MKS1: variants seen among roughly 807,000 people sequenced by gnomAD.
MKS1 encodes the protein MKS transition zone complex subunit 1.
MKS1 carries 70 observed loss-of-function variants against 83.7 expected under a neutral mutation model. That is an observed-to-expected ratio of 0.84 (90% CI 0.69 to 1.02). MKS1 has a LOEUF of 1.02. Among genes scored for constraint, MKS1 ranks in the 50% least tolerant of loss-of-function variants. MKS1 has a pLI of 0.00. For missense variants in MKS1, 681 were observed against 726.9 expected, an observed-to-expected ratio of 0.94 and a Z score of 0.73; for synonymous variants, 251 against 273.4, an observed-to-expected ratio of 0.92 and a Z score of 0.81.
At position 58,210,983 on chromosome 17, in the gene MKS1, C is replaced by A. The variant is rs1393510784; in HGVS notation, c.955G>T (p.Val319Phe). The A allele has an allele frequency of 6.2e-7, 1 of 1,613,990 alleles. No individual in the cohort carries two copies. Among genetic ancestry groups the A allele is most frequent in the Admixed American group, 1.7e-5 (1 of 60,028 alleles). The change falls in exon 10 of 18, where the codon GTC becomes TTC. Residue 319 changes from valine to phenylalanine, a missense_variant. This residue lies in a region of MKS1 where 310 missense variants were observed against 321.7 expected (regional missense o/e 0.96). Coordinates refer to ENST00000393119, the MANE Select transcript of MKS1 (RefSeq NM_017777.4). The stretch of plus-strand genomic sequence containing the variant: ...TCTATGCTAGCAAGACACTTACCGA[C>A]CTCTCCATTTACAAAGAGCCGGAGG... Reference protein sequence around the residue: ...GALRLFVNGEVVSAQGYEYDN... With the variant: ...GALRLFVNGEFVSAQGYEYDN...
intron 12 of MKS1, 77 bp from the exon 13 acceptor site, chr17:58,208,251 C>T (rs779329115): frequency 3.9e-5 from 54 of 1,371,728 alleles, no homozygotes; most frequent in Non-Finnish European, 4.0e-5. Context: ...ACAAGGTTAT[C>T]TTCACAAGGG....
At chr17:58,208,845 A>G (rs1968695945) in intron 11 of MKS1, among the ~76,000 whole-genome samples, 1 of 151,908 alleles carries the variant, frequency 6.6e-6, no homozygotes, top group Admixed American at 6.6e-5. Context: ...TGGGTACTTG[A>G]GATTAGGGAG....
chr17:58,213,797 C>T lies in MKS1; in HGVS notation c.717G>A (p.Lys239=). The T allele has an allele frequency of 6.2e-7, 1 of 1,614,114 alleles. No individual in the cohort carries two copies. The highest frequency in any genetic ancestry group is 8.5e-7 in the Non-Finnish European group (1 of 1,179,966). The part of the protein sequence containing the change: ...KVDSNGVITV[K]PDFTGLKGPY... ...GTCCTTTGAGGCCCGTGAAGTCAGG[C>T]TTTACTGTGATCACACCATTGCTAT... is the stretch of plus-strand genomic sequence containing the variant. Residue 239 remains lysine (K), a synonymous_variant, in exon 7 of 18, where the codon AAG becomes AAA. Transcript: ENST00000393119.
chr17:58,206,640 T>C, intron 15 of MKS1, 93 bp from the exon 16 acceptor site: 1 of 1,266,238 alleles, frequency 7.9e-7, no homozygotes, highest in Non-Finnish European at 1.1e-6. Flanking sequence ...TTCCCATTCT[T>C]GGGAAGCGCA....
intron 4 of MKS1, chr17:58,215,826 G>T (rs1969160783): frequency 6.4e-6 from 3 of 471,114 alleles, no homozygotes; most frequent in Non-Finnish European, 1.2e-5. Context: ...CTCCCAGTAT[G>T]CACTCTGCAA....
chr17:58,219,161 A>G lies in MKS1; in HGVS notation c.70T>C (p.Leu24=), dbSNP rs538371478. The G allele has an allele frequency of 1.4e-5, 21 of 1,551,274 alleles. No individual in the cohort carries two copies. In the East Asian group the frequency reaches 5.1e-4, roughly 38 times the overall value. ...GGGCGGTGCGACTACCGGAGGCGCA[A>G]GTTGCGCACGGGGTCCCGGGAGCGA... ...VYRSRDPVRN[L]RLRVHLQRIT... is the part of the protein sequence containing the mutation. The change falls in exon 1 of 18, where the codon TTG becomes CTG. Residue 24 remains leucine (L), a synonymous_variant. Transcript: ENST00000393119.
At chr17:58,206,775 T>C in intron 15 of MKS1, 6 of 648,428 alleles carry the variant, frequency 9.3e-6, no homozygotes, top group Middle Eastern at 4.2e-4. Context: ...GGCGGTCTTA[T>C]ATGCTTACTG....
At chr17:58,218,223 C>A (rs1355811655) in intron 2 of MKS1, among the ~76,000 whole-genome samples, 5 of 151,916 alleles carry the variant, frequency 3.3e-5, no homozygotes, top group Non-Finnish European at 5.9e-5. Flanking sequence ...CCAAGGCGGG[C>A]GGATCACGAG....
intron 14 of MKS1, 66 bp downstream of exon 14, chr17:58,207,828 G>A (rs372792674): frequency 7.1e-5 from 99 of 1,385,976 alleles, no homozygotes; most frequent in South Asian, 2.9e-4. Flanking sequence ...AGAAGCATTC[G>A]AGTGTTAGTC....
chr17:58,205,554 C>G lies in MKS1; in HGVS notation c.*525G>C, dbSNP rs1279642344. 2.3e-6 allele frequency: 3 copies of G among 1,304,640 alleles called. No homozygotes were observed. The highest frequency in any genetic ancestry group is 3.0e-6 in the Non-Finnish European group (3 of 989,234). 80.8% of individuals were successfully genotyped at this position (1,304,640 alleles called of 1,614,324 possible). ...GACTCAGCACTGCCTTCAGCCTTCACTTACTCAGAAATAACTCATATCTCA... is the reference window on the plus strand; with the variant it reads ...GACTCAGCACTGCCTTCAGCCTTCAGTTACTCAGAAATAACTCATATCTCA... On this transcript the variant is annotated 3_prime_UTR_variant, in exon 18 of 18. Coordinates refer to ENST00000393119, the MANE Select transcript of MKS1 (RefSeq NM_017777.4).
intron 6 of MKS1, 65 bp downstream of exon 6, chr17:58,214,194 A>T: frequency 6.2e-7 from 1 of 1,609,108 alleles, no homozygotes; most frequent in South Asian, 1.1e-5. Context: ...AATAACAGGA[A>T]GGGGAGAGCT....
At position 58,218,262 on chromosome 17, in the gene MKS1, C is replaced by T. The variant is rs555032855; in HGVS notation, c.190+358G>A. Among the ~76,000 whole-genome samples the T allele has an allele frequency of 1.3e-4, 19 of 151,766 alleles. 1 individual carries two copies. The East Asian group carries it at 3.1e-3, about 25-fold the overall frequency. ...AGGAGATCGAGACAATCCTGGCTAA[C>T]ACGGTGAAACCCCGCCTCTACTGAA... On this transcript the variant is annotated intron_variant, in intron 2 of 17. Transcript: ENST00000393119.
chr17:58,210,816 A>G, intron 10 of MKS1, 92 bp from the exon 11 acceptor site: 3 of 1,472,422 alleles, frequency 2.0e-6, no homozygotes, highest in Non-Finnish European at 2.8e-6. Context: ...CCCTGAGAGC[A>G]AGTCTTTTGA....
chr17:58,218,875 C>T, intron 1 of MKS1, 146 bp from the exon 2 acceptor site: 1 of 854,370 alleles, frequency 1.2e-6, no homozygotes. Flanking sequence ...GTGGGTGCGC[C>T]GTCCTATGGG....
intron 6 of MKS1, 100 bp from the exon 7 acceptor site, chr17:58,213,969 G>T (rs1232042502): frequency 9.0e-7 from 1 of 1,105,924 alleles, no homozygotes; most frequent in Non-Finnish European, 1.4e-6. Context: ...AGGCTATAGG[G>T]AGAGCTGTCA....
In MKS1 at chr17:58,212,374, T is replaced by C. The variant is rs1451077128; in HGVS notation, c.915+4A>G. ...ACAGTGCTGCAGGAAGCCAAGCTAC[T>C]CACCATCTCAAAGTCGGTGCCTACG... On this transcript the variant is annotated splice_donor_region_variant and intron_variant, in intron 9 of 17. Coordinates refer to ENST00000393119, the MANE Select transcript of MKS1 (RefSeq NM_017777.4). 1 of 1,614,186 alleles carries C rather than the reference T, an allele frequency of 6.2e-7. No individual in the cohort carries two copies. The highest frequency in any genetic ancestry group is 1.1e-5 in the South Asian group (1 of 91,076).
chr17:58,208,379 G>C (rs964553590), intron 12 of MKS1, 134 bp downstream of exon 12: 1 of 1,121,554 alleles, frequency 8.9e-7, no homozygotes, highest in African/African-American at 1.5e-5. Context: ...AGGTGGCCCT[G>C]TAGAACCCAC....
intron 2 of MKS1, among the ~76,000 whole-genome samples, chr17:58,218,137 AC>A (rs1873409537): frequency 6.6e-6 from 1 of 152,170 alleles, no homozygotes; most frequent in African/African-American, 2.4e-5. Flanking sequence ...GGTTTGGGGC[AC>A]GTTTTCTCTT....
chr17:58,207,546 G>T, intron 14 of MKS1: 1 of 539,948 alleles, frequency 1.9e-6, no homozygotes, highest in Non-Finnish European at 3.3e-6. Context: ...GAGAAGTATG[G>T]CACAATGCCT....
Sources: gnomAD v4.1 joint callset for allele counts (sites outside exome capture counted in the v4.1 genomes callset) on GRCh38, gnomAD v4.1.1 for gene constraint, gnomAD v4.1.1 regional missense constraint, MANE v1.5 for transcripts, NCBI Gene and HGNC (gene_info 2026-07-23, HGNC 2026-07-21) for gene names.